The following BAZ2B variants were observed in gnomAD, a reference collection of about 807,000 sequenced individuals.
The protein encoded by BAZ2B is bromodomain adjacent to zinc finger domain protein 2B.
In BAZ2B, 91 loss-of-function variants were observed where a neutral mutation model predicts 246.0. The observed-to-expected ratio is 0.37, with a 90% CI of 0.31 to 0.44. The LOEUF (loss-of-function observed/expected upper bound fraction) is 0.44, where lower values mean the gene tolerates loss of function less well. BAZ2B is among the 20% of genes least tolerant of loss of function. BAZ2B has a pLI of 1.00. For synonymous variants in BAZ2B, 855 were observed against 860.0 expected, an observed-to-expected ratio of 0.99 and a Z score of 0.10; for missense variants, 2,332 against 2,533.7, an observed-to-expected ratio of 0.92 and a Z score of 1.71.
chr2:159,421,328 C>A (rs2068708920), intron 13 of BAZ2B, among the ~76,000 whole-genome samples: 1 of 152,002 alleles, frequency 6.6e-6, no homozygotes, highest in Non-Finnish European at 1.5e-5. Context: ...GCATGCAGCA[C>A]CATGCCCAGG....
At chr2:159,707,758 C>T in the BAZ2B span, among the ~76,000 whole-genome samples, 31 of 152,012 alleles carry the variant, frequency 2.0e-4, no homozygotes, top group Admixed American at 6.6e-4. Context: ...ACCTGGGAGG[C>T]GGAGGTTGCA....
At chr2:159,415,440 G>A (rs1266818578) in intron 13 of BAZ2B, among the ~76,000 whole-genome samples, 2 of 28,372 alleles carry the variant, frequency 7.0e-5, no homozygotes, top group Non-Finnish European at 1.3e-4. Context: ...ACAAGACTCC[G>A]TCTCAAAAAA....
At chr2:159,604,581 T>C (rs981451617) in intron 1 of BAZ2B, among the ~76,000 whole-genome samples, 7 of 152,184 alleles carry the variant, frequency 4.6e-5, no homozygotes, top group African/African-American at 1.7e-4. Flanking sequence ...AAAATTAGTA[T>C]TTTTTCAAAA....
the BAZ2B span, among the ~76,000 whole-genome samples, chr2:159,702,991 C>T: frequency 6.6e-6 from 1 of 152,002 alleles, no homozygotes; most frequent in Admixed American, 6.5e-5. Flanking sequence ...TTGCAGTGAG[C>T]CGAGATTGCA....
chr2:159,620,435 G>A (rs1472176783), upstream of BAZ2B, among the ~76,000 whole-genome samples: 1 of 152,158 alleles, frequency 6.6e-6, no homozygotes. Flanking sequence ...TGTACAAAGT[G>A]TGAAATGCCT....
the BAZ2B span, among the ~76,000 whole-genome samples, chr2:159,660,211 A>G: frequency 1.3e-5 from 2 of 152,356 alleles, no homozygotes; most frequent in East Asian, 1.9e-4. Context: ...AAGTGAAATT[A>G]TACATCTGTC....
the BAZ2B span, among the ~76,000 whole-genome samples, chr2:159,662,410 C>T: frequency 1.3e-5 from 2 of 152,174 alleles, no homozygotes; most frequent in African/African-American, 4.8e-5. Context: ...TCATGTACTG[C>T]CAAACTGTTT....
Position 159,348,684 on chromosome 2 carries a change from T to C in BAZ2B, c.5287A>G (p.Lys1763Glu). 1 of 1,597,756 alleles carries C rather than the reference T, an allele frequency of 6.3e-7. No homozygotes were observed. The highest frequency in any genetic ancestry group is 8.5e-7 in the Non-Finnish European group (1 of 1,175,928). ...ATATCTTTTAGGTACACACCATCCT[T>C]ATTCTTGAGGCAGGCTTGAGTAATA... ...DYITQACLKN[K>E]DVAIIELNEN... The change falls in exon 30 of 37, where the codon AAG becomes GAG. Residue 1763 changes from lysine (K) to glutamate (E), a missense_variant. By Grantham distance (56) the Lys-to-Glu change is moderately conservative. This residue lies in a region of BAZ2B where 676 missense variants were observed against 668.6 expected (regional missense o/e 1.01). Transcript: ENST00000392783.
chr2:159,537,235 G>A (rs1282803906), intron 2 of BAZ2B, among the ~76,000 whole-genome samples: 2 of 152,208 alleles, frequency 1.3e-5, no homozygotes, highest in Non-Finnish European at 2.9e-5. Context: ...AAGTAAAATG[G>A]TGGGTCACCA....
chr2:159,510,164 G>T (rs1226509744), intron 2 of BAZ2B, among the ~76,000 whole-genome samples: 1 of 151,906 alleles, frequency 6.6e-6, no homozygotes, highest in Non-Finnish European at 1.5e-5. Flanking sequence ...GAGGGAAATG[G>T]GAAGTTACTG....
intron 1 of BAZ2B, among the ~76,000 whole-genome samples, chr2:159,584,402 G>T (rs544371382): frequency 6.6e-6 from 1 of 152,278 alleles, no homozygotes; most frequent in African/African-American, 2.4e-5. Context: ...TTACAGGCGT[G>T]AGCCACTGTG....
intron 2 of BAZ2B, among the ~76,000 whole-genome samples, chr2:159,539,016 C>T (rs2151374760): frequency 6.6e-6 from 1 of 152,342 alleles, no homozygotes; most frequent in Non-Finnish European, 1.5e-5. Context: ...ATCAGCATCA[C>T]TGTTCAAATA....
At chr2:159,675,465 A>G in the BAZ2B span, among the ~76,000 whole-genome samples, 1 of 152,156 alleles carries the variant, frequency 6.6e-6, no homozygotes, top group Non-Finnish European at 1.5e-5. Flanking sequence ...TGAAAATATG[A>G]TAGCAATGTA....
chr2:159,603,615 AT>A (rs1418578688), intron 1 of BAZ2B, among the ~76,000 whole-genome samples: 3 of 152,012 alleles, frequency 2.0e-5, no homozygotes, highest in Non-Finnish European at 4.4e-5. Flanking sequence ...TTAAAAAAAA[AT>A]CATCTTCCTA....
intron 1 of BAZ2B, among the ~76,000 whole-genome samples, chr2:159,568,985 A>G (rs1683283713): frequency 6.6e-6 from 1 of 151,948 alleles, no homozygotes; most frequent in Non-Finnish European, 1.5e-5. Context: ...TCGTGACACT[A>G]GATTACTTGA....
intron 2 of BAZ2B, among the ~76,000 whole-genome samples, chr2:159,527,786 T>C (rs2084916046): frequency 6.6e-6 from 1 of 152,096 alleles, no homozygotes; most frequent in South Asian, 2.1e-4. Context: ...AAAACACAAA[T>C]ATATATTTTT....
At chr2:159,429,392 T>A (rs1381896498) in intron 10 of BAZ2B, 132 bp from the exon 11 acceptor site, 5 of 516,728 alleles carry the variant, frequency 9.7e-6, no homozygotes, top group Non-Finnish European at 1.6e-5. Flanking sequence ...AATTTATACA[T>A]TATTTTTAGA....
intron 31 of BAZ2B, among the ~76,000 whole-genome samples, chr2:159,342,802 A>C (rs2066971238): frequency 6.6e-6 from 1 of 152,226 alleles, no homozygotes; most frequent in African/African-American, 2.4e-5. Flanking sequence ...AATCATGCTT[A>C]TGGATCAGAA....
At position 159,610,051 on chromosome 2, in the gene BAZ2B, A is replaced by G. The variant is rs371519662; in HGVS notation, c.-46+6191T>C. Among the ~76,000 whole-genome samples the G allele has an allele frequency of 1.5e-3, 226 of 152,306 alleles. 11 individuals carry two copies. In the South Asian group the frequency reaches 0.046, roughly 31 times the overall value. ...GCTTCTGAACAAATAGGACCGAACT[A>G]TTGGCATTTCATGCACTAGGTCCAT... is the stretch of plus-strand genomic sequence containing the variant. On this transcript the variant is annotated intron_variant, in intron 1 of 36. Transcript: ENST00000392783.
Sources: allele counts gnomAD v4.1 joint callset (sites outside exome capture counted in the v4.1 genomes callset), GRCh38; gene constraint gnomAD v4.1.1; regional missense constraint gnomAD v4.1.1; transcripts MANE v1.5; gene names NCBI Gene and HGNC (gene_info 2026-07-23, HGNC 2026-07-21).